The following SCRN3 variants were observed in gnomAD, a reference collection of about 807,000 sequenced individuals.
SCRN3 encodes the protein secernin-3.
A neutral mutation model predicts 43.1 loss-of-function variants in SCRN3; 39 were observed. That is an observed-to-expected ratio of 0.91 (90% confidence interval 0.70 to 1.18). SCRN3 has a LOEUF of 1.18. Among genes scored for constraint, SCRN3 ranks in the 50% most tolerant of loss-of-function variants. SCRN3 has a pLI of 0.00. For synonymous variants in SCRN3, 147 were observed against 163.1 expected (o/e 0.90, Z 0.75); for missense variants, 484 against 498.0 (o/e 0.97, Z 0.27).
At chr2:174,416,128 C>A (rs893640002) in intron 5 of SCRN3, among the ~76,000 whole-genome samples, 3 of 152,110 alleles carry the variant, frequency 2.0e-5, no homozygotes, top group Non-Finnish European at 4.4e-5. Flanking sequence ...GGCCACCAAG[C>A]AAGGTTATGG....
chr2:174,400,225 A>G (rs1685459768), intron 3 of SCRN3, 122 bp downstream of exon 3: 2 of 694,974 alleles, frequency 2.9e-6, no homozygotes, highest in Non-Finnish European at 4.6e-6. Context: ...TTGTGTCAAA[A>G]TGGTTTAAAG....
chr2:174,408,361 C>A (rs1337301773), intron 5 of SCRN3, among the ~76,000 whole-genome samples: 1 of 135,626 alleles, frequency 7.4e-6, no homozygotes, highest in Non-Finnish European at 1.7e-5. Context: ...TGTCTCTGCA[C>A]GTGAGATGGG....
chr2:174,400,711 C>A (rs542941715), intron 3 of SCRN3, among the ~76,000 whole-genome samples: 2 of 152,162 alleles, frequency 1.3e-5, no homozygotes, highest in Non-Finnish European at 1.5e-5. Flanking sequence ...CATGGGCTAT[C>A]GTGCTCATTT....
intron 1 of SCRN3, chr2:174,397,324 CTGTT>C (rs1685359926): frequency 1.0e-6 from 1 of 985,110 alleles, no homozygotes; most frequent in African/African-American, 1.7e-5. Flanking sequence ...AACAATGTGT[CTGTT>C]CTGGCAGCAA....
At chr2:174,413,100 G>A (rs538717866) in intron 5 of SCRN3, among the ~76,000 whole-genome samples, 4 of 151,944 alleles carry the variant, frequency 2.6e-5, no homozygotes, top group South Asian at 2.1e-4. Flanking sequence ...TTGAACTCCC[G>A]ACCTCAGGTG....
intron 7 of SCRN3, among the ~76,000 whole-genome samples, chr2:174,425,864 G>A (rs1035883400): frequency 1.6e-4 from 24 of 151,994 alleles, no homozygotes; most frequent in Non-Finnish European, 2.9e-4. Flanking sequence ...CAATCCTATT[G>A]GTAGTTTTAA....
At chr2:174,418,968 A>G (rs1686204077) in intron 5 of SCRN3, among the ~76,000 whole-genome samples, 2 of 152,302 alleles carry the variant, frequency 1.3e-5, no homozygotes, top group East Asian at 1.9e-4. Context: ...TGGATAAGAG[A>G]ATGTAGACTT....
rs143253737 is a variant in SCRN3, at chr2:174,419,539, C to G, written c.755-3346C>G. On this transcript the variant is annotated intron_variant, in intron 5 of 7. Coordinates refer to ENST00000272732, the MANE Select transcript of SCRN3 (RefSeq NM_024583.5). ...GAACTACAGGCATGCATTACCACAC[C>G]TGGCTAAATTTTTTTTTTTGGTAAT... Among the ~76,000 whole-genome samples, 480 of 152,182 alleles carry G rather than the reference C, an allele frequency of 3.2e-3. 5 individuals carry two copies. Among genetic ancestry groups the G allele is most frequent in the African/African-American group, 0.011 (453 of 41,510 alleles).
Position 174,429,488 on chromosome 2 carries a change from G to A in SCRN3, c.*1593G>A, listed in dbSNP as rs762589555. 2.0e-5 allele frequency: 3 copies of A among 152,156 alleles called. No homozygotes were observed. The highest frequency in any genetic ancestry group is 4.4e-5 in the Non-Finnish European group (3 of 67,994). 9.4% of individuals were successfully genotyped at this position (152,156 alleles called of 1,614,324 possible). ...GACTTTATTTTTTGGAGCAGTTTTA[G>A]GTTCACAGCAAAATTGAACAGAAAG... On this transcript the variant is annotated 3_prime_UTR_variant, in exon 8 of 8. Coordinates refer to ENST00000272732, the MANE Select transcript of SCRN3 (RefSeq NM_024583.5).
At chr2:174,404,412 G>A in intron 5 of SCRN3, 97 bp downstream of exon 5, 1 of 752,550 alleles carries the variant, frequency 1.3e-6, no homozygotes, top group Non-Finnish European at 2.1e-6. Flanking sequence ...ATTATAATTA[G>A]TAAAAATATT....
intron 6 of SCRN3, among the ~76,000 whole-genome samples, chr2:174,423,854 A>G (rs1412262144): frequency 6.9e-6 from 1 of 143,976 alleles, no homozygotes; most frequent in East Asian, 2.0e-4. Flanking sequence ...GCAGTGGCAC[A>G]GTCAGCATGC....
intron 5 of SCRN3, among the ~76,000 whole-genome samples, chr2:174,419,147 A>G (rs1686208018): frequency 6.6e-6 from 1 of 152,056 alleles, no homozygotes; most frequent in Non-Finnish European, 1.5e-5. Context: ...CAATTATGGG[A>G]ATAGTTGGGG....
At chr2:174,400,554 T>C (rs1241060905) in intron 3 of SCRN3, among the ~76,000 whole-genome samples, 1 of 152,192 alleles carries the variant, frequency 6.6e-6, no homozygotes, top group Non-Finnish European at 1.5e-5. Flanking sequence ...CTGCCTCAGC[T>C]CCTGAGTAAC....
chr2:174,399,892 G>A (rs1462261006), intron 2 of SCRN3, 30 bp from the exon 3 acceptor site: 1 of 1,270,706 alleles, frequency 7.9e-7, no homozygotes, highest in Non-Finnish European at 1.0e-6. Context: ...TGTGGTTCTT[G>A]CTATGACTTT....
At chr2:174,403,871 C>G (rs1698728596) in intron 4 of SCRN3, among the ~76,000 whole-genome samples, 1 of 146,182 alleles carries the variant, frequency 6.8e-6, no homozygotes, top group Non-Finnish European at 1.6e-5. Context: ...TACACAGTAT[C>G]TCTCAGTATT....
intron 4 of SCRN3, among the ~76,000 whole-genome samples, chr2:174,401,438 T>C (rs1227506266): frequency 6.6e-6 from 1 of 152,238 alleles, no homozygotes; most frequent in Non-Finnish European, 1.5e-5. Flanking sequence ...CTTTCTTTGC[T>C]GCAGCTCTTG....
At position 174,427,797 on chromosome 2, in the gene SCRN3, C is replaced by T. The variant is rs1686539624; in HGVS notation, c.1177C>T (p.His393Tyr). The T allele has an allele frequency of 6.2e-7, 1 of 1,611,076 alleles. No homozygotes were observed. Among genetic ancestry groups the T allele is most frequent in the Non-Finnish European group, 8.5e-7 (1 of 1,177,566 alleles). ...REMESILQNK[H>Y]LDVEKIVNLF... is the part of the protein sequence containing the mutation. The stretch of plus-strand genomic sequence containing the variant: ...GATGGAATCAATCCTTCAAAACAAG[C>T]ATCTTGATGTGGAGAAAATTGTTAA... Residue 393 changes from histidine (H) to tyrosine (Y), a missense_variant, in exon 8 of 8, where the codon CAT (histidine) becomes TAT (tyrosine). Physicochemically the swap from His to Tyr is moderately conservative, Grantham distance 83. Transcript: ENST00000272732.
chr2:174,400,605 T>C (rs1361321197), intron 3 of SCRN3, among the ~76,000 whole-genome samples: 1 of 152,152 alleles, frequency 6.6e-6, no homozygotes, highest in Admixed American at 6.6e-5. Flanking sequence ...CTTTCAGATA[T>C]TATTATTTGG....
In SCRN3 at chr2:174,400,065, T is replaced by C; in HGVS notation, c.303T>C (p.Val101=). 1 of 1,592,324 alleles carries C rather than the reference T, an allele frequency of 6.3e-7. No individual in the cohort carries two copies. Among genetic ancestry groups the C allele is most frequent in the East Asian group, 2.3e-5 (1 of 42,852 alleles). ...AAGCTGTATGGGGAAGAGAAGAAGT[T>C]TGTGATGAAGAAGCACTATTAGGAA... ...GNEAVWGREE[V]CDEEALLGMD... The change falls in exon 3 of 8, where the codon GTT becomes GTC. Residue 101 remains valine (V), a synonymous_variant. Coordinates refer to ENST00000272732, the MANE Select transcript of SCRN3 (RefSeq NM_024583.5).
Sources: gnomAD v4.1 joint callset for allele counts (sites outside exome capture counted in the v4.1 genomes callset) on GRCh38, gnomAD v4.1.1 for gene constraint, MANE v1.5 for transcripts, NCBI Gene and HGNC (gene_info 2026-07-23, HGNC 2026-07-21) for gene names.